Variants in VPS13D observed in about 807,000 individuals in gnomAD.
VPS13D encodes intermembrane lipid transfer protein VPS13D.
VPS13D carries 187 observed loss-of-function variants against 461.9 expected under a neutral mutation model. The ratio of observed to expected loss-of-function variants is 0.40; its 90% CI spans 0.36 to 0.46. The LOEUF (loss-of-function observed/expected upper bound fraction) is 0.46, where lower values mean the gene tolerates loss of function less well. Among genes scored for constraint, VPS13D ranks in the 20% least tolerant of loss-of-function variants. The pLI is 0.60. For missense variants in VPS13D, 4,711 were observed against 5,364.9 expected, an observed-to-expected ratio of 0.88 and a Z score of 3.81; for synonymous variants, 1,951 against 1,986.3, an observed-to-expected ratio of 0.98 and a Z score of 0.47.
rs754197608 is a variant in VPS13D, at chr1:12,311,589, T to C, written c.6786T>C (p.Phe2262=). ...ACCTGGGAGAACCCATAGAGGAATTTATGCGGCCTTATGATTTACAAGATC... is the reference window on the plus strand; with the variant it reads ...ACCTGGGAGAACCCATAGAGGAATTCATGCGGCCTTATGATTTACAAGATC... ...ENNLGEPIEE[F]MRPYDLQDPR... The change falls in exon 28 of 70, where the codon TTT becomes TTC. Residue 2262 remains phenylalanine (F), a synonymous_variant. Coordinates refer to ENST00000620676, the MANE Select transcript of VPS13D (RefSeq NM_015378.4). 1 of 1,614,108 alleles carries C rather than the reference T, an allele frequency of 6.2e-7. No homozygotes were observed. Among genetic ancestry groups the C allele is most frequent in the African/African-American group, 1.3e-5 (1 of 74,942 alleles).
At chr1:12,362,890 A>T in intron 51 of VPS13D, 40 bp downstream of exon 51, 1 of 1,612,828 alleles carries the variant, frequency 6.2e-7, no homozygotes, top group Non-Finnish European at 8.5e-7. Context: ...TGCCTATTTA[A>T]TAGCACGAGT....
chr1:12,271,823 A>G (rs1350479548), intron 17 of VPS13D, among the ~76,000 whole-genome samples: 1 of 152,184 alleles, frequency 6.6e-6, no homozygotes, highest in Non-Finnish European at 1.5e-5. Flanking sequence ...TGTGATGATT[A>G]GGTACTTTGT....
chr1:12,248,454 T>G (rs1640630884), intron 5 of VPS13D, among the ~76,000 whole-genome samples: 2 of 152,138 alleles, frequency 1.3e-5, no homozygotes, highest in Non-Finnish European at 2.9e-5. Context: ...ACAATCCTCC[T>G]GCCTCAGCCT....
chr1:12,448,942 G>A lies in VPS13D; in HGVS notation c.12334-7056G>A, dbSNP rs1449995964. 4.6e-5 allele frequency among the ~76,000 whole-genome samples: 7 copies of A among 152,208 alleles called. No homozygotes were observed. In the East Asian group the frequency reaches 1.3e-3, roughly 29 times the overall value. On this transcript the variant is annotated intron_variant, in intron 65 of 69. Transcript: ENST00000620676. ...CGTGTGTCTTGGGTTAGTTAAGACA[G>A]CAGGACAGTCCTGAGGCCTGACTTC...
intron 5 of VPS13D, among the ~76,000 whole-genome samples, chr1:12,248,608 G>A (rs1640634979): frequency 6.6e-6 from 1 of 152,214 alleles, no homozygotes; most frequent in African/African-American, 2.4e-5. Flanking sequence ...GCTTCCCAGA[G>A]TGCTGGGATT....
chr1:12,276,612 C>T lies in VPS13D; in HGVS notation c.3024C>T (p.Thr1008=). Residue 1008 remains threonine (T), a synonymous_variant, in exon 19 of 70, where the codon ACC becomes ACT. Transcript: ENST00000620676. The surrounding 1 kb of genome is among the most constrained non-coding windows in gnomAD (Gnocchi z 4.5). ...TTCATGGTTTGCTCCTGGTGGATAC[C>T]ATGCAGACATATGGTGCTGATTTTG... ...LTVHGLLLVD[T]MQTYGADFDL... 1 of 1,614,132 alleles carries T rather than the reference C, an allele frequency of 6.2e-7. No homozygotes were observed. Among genetic ancestry groups the T allele is most frequent in the South Asian group, 1.1e-5 (1 of 91,078 alleles).
In VPS13D at chr1:12,267,224, A is replaced by G. The variant is rs74053832; in HGVS notation, c.1725+213A>G. Among the ~76,000 whole-genome samples the G allele has an allele frequency of 7.9e-3, 1,204 of 152,132 alleles. 16 individuals carry two copies. Among genetic ancestry groups the G allele is most frequent in the African/African-American group, 0.028 (1,147 of 41,488 alleles). On this transcript the variant is annotated intron_variant, in intron 14 of 69. Transcript: ENST00000620676. ...TCCTGTATTGTAGCCACCATGGTATATTTTGCTCTGATTTGGAAGAAAATG... is the reference window on the plus strand; with the variant it reads ...TCCTGTATTGTAGCCACCATGGTATGTTTTGCTCTGATTTGGAAGAAAATG...
At chr1:12,320,619 C>T (rs1199986948) in intron 32 of VPS13D, among the ~76,000 whole-genome samples, 4 of 152,190 alleles carry the variant, frequency 2.6e-5, no homozygotes, top group African/African-American at 9.7e-5. Flanking sequence ...GATTTGCATG[C>T]TGGTGTGATG....
intron 63 of VPS13D, among the ~76,000 whole-genome samples, chr1:12,414,148 G>T (rs1644766239): frequency 6.6e-6 from 1 of 152,062 alleles, no homozygotes; most frequent in African/African-American, 2.4e-5. Flanking sequence ...GCTGGGCATG[G>T]TAGTTTGCAC....
Position 12,506,912 on chromosome 1 carries a change from A to T in VPS13D, c.12854A>T (p.Tyr4285Phe). 5.0e-6 allele frequency: 8 copies of T among 1,614,242 alleles called. No individual in the cohort carries two copies. The highest frequency in any genetic ancestry group is 6.8e-6 in the Non-Finnish European group (8 of 1,180,038). ...YCVLISSKAV[Y>F]FLKSGDYVDR... The stretch of plus-strand genomic sequence containing the variant: ...GTGCTCATCTCCTCCAAAGCTGTTT[A>T]CTTCCTGAAAAGTGGAGACTACGTG... Residue 4285 changes from tyrosine to phenylalanine, a missense_variant, in exon 69 of 70, where the codon TAC becomes TTC. By Grantham distance (22) the Tyr-to-Phe change is conservative. Coordinates refer to ENST00000620676, the MANE Select transcript of VPS13D (RefSeq NM_015378.4).
In VPS13D at chr1:12,502,993, C is replaced by A. The variant is rs980609564; in HGVS notation, c.12795-3860C>A. 3.9e-5 allele frequency among the ~76,000 whole-genome samples: 6 copies of A among 152,128 alleles called. No individual in the cohort carries two copies. Among genetic ancestry groups the A allele is most frequent in the African/African-American group, 1.4e-4 (6 of 41,440 alleles). ...CTCTGGGCAAAGTGAGAGGCGGAGA[C>A]GACTGGCATCAGGGTGGCTGGCTCC... On this transcript the variant is annotated intron_variant, in intron 68 of 69. Coordinates refer to ENST00000620676, the MANE Select transcript of VPS13D (RefSeq NM_015378.4). This position sits in a 1 kb window ranked among gnomAD's most constrained non-coding sequence, Gnocchi z 4.3.
rs1377687365 is a variant in VPS13D, at chr1:12,235,240, G to A, written c.97+877G>A. Among the ~76,000 whole-genome samples, 3 of 152,180 alleles carry A rather than the reference G, an allele frequency of 2.0e-5. No homozygotes were observed. In the East Asian group the frequency reaches 5.8e-4, roughly 29 times the overall value. On this transcript the variant is annotated intron_variant, in intron 2 of 69. Coordinates refer to ENST00000620676, the MANE Select transcript of VPS13D (RefSeq NM_015378.4). ...AGAGAACAGTGACACAGCTGTTTGCGTAGTCTGAGAATAGAGTACCGGTGG... is the reference window on the plus strand; with the variant it reads ...AGAGAACAGTGACACAGCTGTTTGCATAGTCTGAGAATAGAGTACCGGTGG...
chr1:12,288,425 G>A (rs1455066135), intron 22 of VPS13D, 112 bp downstream of exon 22: 1 of 931,276 alleles, frequency 1.1e-6, no homozygotes, highest in Non-Finnish European at 1.7e-6. Flanking sequence ...GCAGTGGCTT[G>A]ATTGTGGTTA....
chr1:12,361,515 C>T (rs1447794449), intron 50 of VPS13D, among the ~76,000 whole-genome samples: 1 of 149,922 alleles, frequency 6.7e-6, no homozygotes, highest in Non-Finnish European at 1.5e-5. Flanking sequence ...CCTGCCTCAG[C>T]CTCCCAAGTA....
chr1:12,420,046 A>G (rs1310809627), intron 65 of VPS13D, among the ~76,000 whole-genome samples: 1 of 152,240 alleles, frequency 6.6e-6, no homozygotes, highest in Non-Finnish European at 1.5e-5. Context: ...GTTATTTGGC[A>G]CATGACTGTA....
chr1:12,405,965 C>G lies in VPS13D; in HGVS notation c.12030+1992C>G, dbSNP rs184417368. ...GCAGTTGAAGTAGCTCCAGCCCCCCCCAGTTACATGATGGTTGTGTGTGCG... is the reference window on the plus strand; with the variant it reads ...GCAGTTGAAGTAGCTCCAGCCCCCCGCAGTTACATGATGGTTGTGTGTGCG... On this transcript the variant is annotated intron_variant, in intron 63 of 69. Coordinates refer to ENST00000620676, the MANE Select transcript of VPS13D (RefSeq NM_015378.4). 3.0e-3 allele frequency among the ~76,000 whole-genome samples: 456 copies of G among 152,308 alleles called. 4 individuals are homozygous for G. The highest frequency in any genetic ancestry group is 4.5e-3 in the Non-Finnish European group (309 of 68,018).
At position 12,246,138 on chromosome 1, in the gene VPS13D, G is replaced by A. The variant is rs78634393; in HGVS notation, c.447+1521G>A. Among the ~76,000 whole-genome samples, 698 of 152,274 alleles carry A rather than the reference G, an allele frequency of 4.6e-3. 4 individuals carry two copies. The highest frequency in any genetic ancestry group is 0.016 in the African/African-American group (673 of 41,556). ...GGGTGCAGGGAGGTGGAGTGAGTGG[G>A]TACTCAAGTGAAAAATTACAAGGCG... is the stretch of plus-strand genomic sequence containing the variant. On this transcript the variant is annotated intron_variant, in intron 5 of 69. Transcript: ENST00000620676.
In VPS13D at chr1:12,299,160, G is replaced by A; in HGVS notation, c.6034-42G>A. The A allele has an allele frequency of 4.0e-6, 6 of 1,511,670 alleles. No individual in the cohort carries two copies. Among genetic ancestry groups the A allele is most frequent in the Non-Finnish European group, 3.5e-6 (4 of 1,133,226 alleles). The allele number at this position is 1,511,670 out of a possible 1,614,324, so 93.6% of individuals were successfully genotyped here. A position where few individuals can be genotyped will look rare whatever the true frequency, so the allele number is the denominator to read the frequency against. ...TGAGGTTATTTGGTGGTAAAATTAGGGAATTAATTATCCTCTGAGTCAGTT... is the reference window on the plus strand; with the variant it reads ...TGAGGTTATTTGGTGGTAAAATTAGAGAATTAATTATCCTCTGAGTCAGTT... On this transcript the variant is annotated intron_variant, in intron 24 of 69. Transcript: ENST00000620676. This position sits in a 1 kb window ranked among gnomAD's most constrained non-coding sequence, Gnocchi z 4.2.
At chr1:12,339,655 T>C (rs1375862989) in intron 40 of VPS13D, among the ~76,000 whole-genome samples, 1 of 152,178 alleles carries the variant, frequency 6.6e-6, no homozygotes, top group Non-Finnish European at 1.5e-5. Context: ...CATAGTTTAT[T>C]TGGACCCTGG....
Sources: gnomAD v4.1 joint callset for allele counts (sites outside exome capture counted in the v4.1 genomes callset) on GRCh38, gnomAD v4.1.1 for gene constraint, Gnocchi (gnomAD v3.1) non-coding constraint, MANE v1.5 for transcripts, NCBI Gene and HGNC (gene_info 2026-07-23, HGNC 2026-07-21) for gene names.